The following KIAA0319L variants were observed in gnomAD, a reference collection of about 807,000 sequenced individuals.
The protein encoded by KIAA0319L is dyslexia-associated protein KIAA0319-like protein.
A neutral mutation model predicts 120.1 loss-of-function variants in KIAA0319L; 55 were observed. The observed-to-expected ratio is 0.46, with a 90% CI of 0.37 to 0.57. KIAA0319L has a LOEUF of 0.57. Among genes scored for constraint, KIAA0319L ranks in the 20% least tolerant of loss-of-function variants. The pLI is 0.00. For missense variants in KIAA0319L, 1,049 were observed against 1,255.3 expected, an observed-to-expected ratio of 0.84 and a Z score of 2.48; for synonymous variants, 398 against 471.9, an observed-to-expected ratio of 0.84 and a Z score of 2.03.
rs112662527 is a variant in KIAA0319L, at chr1:35,468,604, C to T, written c.1114-1909G>A. Among the ~76,000 whole-genome samples the T allele has an allele frequency of 8.7e-3, 1,322 of 152,296 alleles. 21 individuals are homozygous for T. Among genetic ancestry groups the T allele is most frequent in the African/African-American group, 0.031 (1,268 of 41,540 alleles). The stretch of plus-strand genomic sequence containing the variant: ...TAAAACTTGCTTCTCCTTCTGTGCT[C>T]CTCATTTCAATGAACATCCACCCAG... On this transcript the variant is annotated intron_variant, in intron 6 of 20. Coordinates refer to ENST00000325722, the MANE Select transcript of KIAA0319L (RefSeq NM_024874.5).
At chr1:35,547,234 T>C (rs1647017325) in intron 2 of KIAA0319L, among the ~76,000 whole-genome samples, 1 of 147,756 alleles carries the variant, frequency 6.8e-6, no homozygotes, top group Non-Finnish European at 1.5e-5. Context: ...ATTTATTTCA[T>C]ATATATTTAT....
intron 2 of KIAA0319L, chr1:35,510,332 G>T (rs1199441018): frequency 1.3e-5 from 2 of 149,594 alleles, no homozygotes; most frequent in African/African-American, 4.9e-5. Context: ...ATTCTAGAGA[G>T]AAATACCAAT....
chr1:35,506,599 A>G lies in KIAA0319L; in HGVS notation c.666+13T>C. 6.2e-7 allele frequency: 1 copy of G among 1,600,238 alleles called. No individual in the cohort carries two copies. The highest frequency in any genetic ancestry group is 8.5e-7 in the Non-Finnish European group (1 of 1,172,906). The stretch of plus-strand genomic sequence containing the variant: ...TTAACCATTTCTCTGCTCCTTATTC[A>G]TAGCATGCTTACCTCTGCAGAGCCA... On this transcript the variant is annotated intron_variant, in intron 3 of 20. Transcript: ENST00000325722. This position sits in a 1 kb window ranked among gnomAD's most constrained non-coding sequence, Gnocchi z 4.0.
At position 35,506,439 on chromosome 1, in the gene KIAA0319L, A is replaced by T. The variant is rs916148949; in HGVS notation, c.666+173T>A. ...ACATAGCATGAACATCTCTAGGGTC[A>T]AATTACCCTTTGTACATCTGGGCAG... On this transcript the variant is annotated intron_variant, in intron 3 of 20. Coordinates refer to ENST00000325722, the MANE Select transcript of KIAA0319L (RefSeq NM_024874.5). The surrounding 1 kb of genome is among the most constrained non-coding windows in gnomAD (Gnocchi z 4.0). Among the ~76,000 whole-genome samples the T allele has an allele frequency of 3.9e-5, 6 of 152,218 alleles. No individual in the cohort carries two copies. The highest frequency in any genetic ancestry group is 1.4e-4 in the African/African-American group (6 of 41,462).
rs368892667 is a variant in KIAA0319L at position 35,546,530 on chromosome 1, T to G, written c.142+7820A>C. ...TACTCTTTCAGAAAGCTTCACTGACTGCAAAGATCAAGTCAGGGAACTGGA... is the reference window on the plus strand; with the variant it reads ...TACTCTTTCAGAAAGCTTCACTGACGGCAAAGATCAAGTCAGGGAACTGGA... On this transcript the variant is annotated intron_variant, in intron 2 of 20. Coordinates refer to ENST00000325722, the MANE Select transcript of KIAA0319L (RefSeq NM_024874.5). Among the ~76,000 whole-genome samples, 11 of 152,338 alleles carry G rather than the reference T, an allele frequency of 7.2e-5. No individual in the cohort carries two copies. In the East Asian group the frequency reaches 1.7e-3, roughly 24 times the overall value.
intron 9 of KIAA0319L, 138 bp downstream of exon 9, chr1:35,460,167 C>A (rs190188769): frequency 6.2e-5 from 44 of 706,220 alleles, no homozygotes; most frequent in Admixed American, 5.0e-4. Context: ...CTCAGAGAAC[C>A]AATGGAACCA....
rs181285063 is a variant in KIAA0319L at position 35,544,090 on chromosome 1, G to A, written c.142+10260C>T. Among the ~76,000 whole-genome samples the A allele has an allele frequency of 1.6e-4, 25 of 152,240 alleles. 2 individuals carry two copies. Among genetic ancestry groups the A allele is most frequent in the South Asian group, 8.3e-4 (4 of 4,828 alleles). On this transcript the variant is annotated intron_variant, in intron 2 of 20. Transcript: ENST00000325722. Reference sequence around the variant, plus strand: ...ACATAAAAATCCTGAAGACTGGGCCGGGCATGGTGGCTCGTGCTTGTAATC... The same window carrying A: ...ACATAAAAATCCTGAAGACTGGGCCAGGCATGGTGGCTCGTGCTTGTAATC...
At chr1:35,536,071 A>G (rs534679522) in intron 2 of KIAA0319L, among the ~76,000 whole-genome samples, 1 of 152,340 alleles carries the variant, frequency 6.6e-6, no homozygotes, top group South Asian at 2.1e-4. Context: ...AATGTTAATT[A>G]ATTTCCTTGG....
chr1:35,523,616 G>C (rs774362143), intron 2 of KIAA0319L, among the ~76,000 whole-genome samples: 1 of 152,112 alleles, frequency 6.6e-6, no homozygotes, highest in African/African-American at 2.4e-5. Flanking sequence ...TAATGATTAC[G>C]GGTAGAACGT....
intron 14 of KIAA0319L, 62 bp from the exon 15 acceptor site, chr1:35,450,067 G>A (rs1641940423): frequency 6.3e-7 from 1 of 1,595,408 alleles, no homozygotes; most frequent in Non-Finnish European, 8.6e-7. Flanking sequence ...CCTGGAGTCA[G>A]TTGCTGCTTT....
intron 2 of KIAA0319L, 31 bp downstream of exon 2, chr1:35,554,319 A>G: frequency 6.6e-7 from 1 of 1,504,656 alleles, no homozygotes; most frequent in Non-Finnish European, 8.9e-7. Flanking sequence ...TTCTAAAAAA[A>G]AAAATCTTAA....
At chr1:35,460,635 T>C (rs1156712902) in intron 8 of KIAA0319L, among the ~76,000 whole-genome samples, 198 bp from the exon 9 acceptor site, 1 of 152,212 alleles carries the variant, frequency 6.6e-6, no homozygotes, top group Non-Finnish European at 1.5e-5. Context: ...ACTGTGTAGT[T>C]TTCCAAGAAC....
At chr1:35,435,395 T>C in intron 20 of KIAA0319L, 1 of 243,504 alleles carries the variant, frequency 4.1e-6, no homozygotes, top group Non-Finnish European at 7.8e-6. Context: ...CCTTTCAAAT[T>C]TGGAATATTT....
intron 2 of KIAA0319L, among the ~76,000 whole-genome samples, chr1:35,525,570 T>C (rs1646094522): frequency 6.6e-6 from 1 of 152,210 alleles, no homozygotes; most frequent in South Asian, 2.1e-4. Context: ...TATCTCATTG[T>C]GGTTTTGATT....
Position 35,453,489 on chromosome 1 carries a change from C to A in KIAA0319L, c.1913+68G>T, listed in dbSNP as rs1037625338. 40 of 1,499,436 alleles carry A rather than the reference C, an allele frequency of 2.7e-5. No individual in the cohort carries two copies. In the Admixed American group the frequency reaches 6.7e-4, roughly 25 times the overall value. The allele number at this position is 1,499,436 out of a possible 1,614,324, so 92.9% of individuals were successfully genotyped here. A position where few individuals can be genotyped will look rare whatever the true frequency, so the allele number is the denominator to read the frequency against. On this transcript the variant is annotated intron_variant, in intron 12 of 20. Transcript: ENST00000325722. The surrounding 1 kb of genome is among the most constrained non-coding windows in gnomAD (Gnocchi z 4.1). The stretch of plus-strand genomic sequence containing the variant: ...ATAAGAGCAACTCAACTCATAATAG[C>A]AAATAAAACCTTGCTCTTCCAAGGT...
intron 5 of KIAA0319L, among the ~76,000 whole-genome samples, chr1:35,472,528 G>C (rs576827730): frequency 6.6e-6 from 1 of 152,150 alleles, no homozygotes; most frequent in East Asian, 1.9e-4. Context: ...CTGACCTCAA[G>C]TCAGGATCTG....
rs1188604256 is a variant in KIAA0319L at position 35,547,364 on chromosome 1, T to A, written c.142+6986A>T. On this transcript the variant is annotated intron_variant, in intron 2 of 20. Transcript: ENST00000325722. ...TGATCCAGCAATTGTACTATTTATA[T>A]GTAAATACATGTATTTATATATACA... Among the ~76,000 whole-genome samples the A allele has an allele frequency of 5.3e-5, 8 of 151,066 alleles. 1 individual carries two copies. Among genetic ancestry groups the A allele is most frequent in the Non-Finnish European group, 1.0e-4 (7 of 67,828 alleles).
At chr1:35,547,102 A>G (rs1469702027) in intron 2 of KIAA0319L, among the ~76,000 whole-genome samples, 1 of 145,638 alleles carries the variant, frequency 6.9e-6, no homozygotes, top group Non-Finnish European at 1.5e-5. Context: ...ATTATTACAT[A>G]TATTATATAT....
At chr1:35,455,333 T>A (rs967665178) in intron 10 of KIAA0319L, among the ~76,000 whole-genome samples, 1 of 152,162 alleles carries the variant, frequency 6.6e-6, no homozygotes, top group African/African-American at 2.4e-5. Context: ...AGGGCTTAAG[T>A]TCAGCACAGC....
Sources: gnomAD v4.1 joint callset for allele counts (sites outside exome capture counted in the v4.1 genomes callset) on GRCh38, gnomAD v4.1.1 for gene constraint, Gnocchi (gnomAD v3.1) non-coding constraint, MANE v1.5 for transcripts, NCBI Gene and HGNC (gene_info 2026-07-23, HGNC 2026-07-21) for gene names.